Variants in ADGRL3 observed in about 807,000 individuals in gnomAD.
ADGRL3 encodes the protein adhesion G protein-coupled receptor L3.
ADGRL3 carries 62 observed loss-of-function variants against 153.5 expected under a neutral mutation model. That is an observed-to-expected ratio of 0.40 (90% confidence interval 0.33 to 0.50). The LOEUF (loss-of-function observed/expected upper bound fraction) is 0.50. Among genes scored for constraint, ADGRL3 ranks in the 20% least tolerant of loss-of-function variants. The pLI is 0.47. For missense variants in ADGRL3, 1,641 were observed against 1,859.4 expected, an observed-to-expected ratio of 0.88 and a Z score of 2.16; for synonymous variants, 710 against 672.5, an observed-to-expected ratio of 1.06 and a Z score of -0.86.
At chr4:61,362,658 T>C (rs2096306087) in intron 1 of ADGRL3, among the ~76,000 whole-genome samples, 1 of 152,102 alleles carries the variant, frequency 6.6e-6, no homozygotes, top group African/African-American at 2.4e-5. Flanking sequence ...TGGAAGTGGA[T>C]CATCATAAAG....
chr4:61,573,291 C>T (rs185749450), intron 4 of ADGRL3, among the ~76,000 whole-genome samples: 25 of 151,792 alleles, frequency 1.6e-4, no homozygotes, highest in African/African-American at 4.8e-4. Flanking sequence ...ATTATGAAGT[C>T]GCCAAATTGA....
intron 12 of ADGRL3, among the ~76,000 whole-genome samples, chr4:61,911,850 T>A (rs1306672326): frequency 1.3e-5 from 2 of 151,694 alleles, no homozygotes; most frequent in African/African-American, 2.4e-5. Flanking sequence ...AAAAAAAAAA[T>A]TGGAAAGAAG....
chr4:61,889,938 C>G (rs985115669), intron 9 of ADGRL3, among the ~76,000 whole-genome samples: 3 of 152,118 alleles, frequency 2.0e-5, no homozygotes, highest in Admixed American at 2.0e-4. Context: ...AGAAAGGTAC[C>G]TTCATTTAGA....
rs1313894267 is a variant in ADGRL3, at chr4:61,998,036, G to A, written c.3304-138G>A. On this transcript the variant is annotated intron_variant, in intron 20 of 26. Coordinates refer to ENST00000683033, the MANE Select transcript of ADGRL3 (RefSeq NM_001387552.1). ...CTTATTGCCTTTACTAAAACACTAG[G>A]CAGTCATCTACGATCCAATTCCTTT... 5.9e-4 allele frequency: 259 copies of A among 438,036 alleles called. 2 individuals are homozygous for A. Among genetic ancestry groups the A allele is most frequent in the Non-Finnish European group, 7.7e-5 (19 of 246,488 alleles). 27.1% of individuals were successfully genotyped at this position (438,036 alleles called of 1,614,324 possible). A position where few individuals can be genotyped will look rare whatever the true frequency, so the allele number is the denominator to read the frequency against.
intron 6 of ADGRL3, among the ~76,000 whole-genome samples, chr4:61,713,532 C>CA (rs1374771803): frequency 5.3e-5 from 8 of 151,712 alleles, no homozygotes; most frequent in African/African-American, 1.9e-4. Flanking sequence ...TGTGAGGGCT[C>CA]ACTTTTGTAT....
intron 8 of ADGRL3, among the ~76,000 whole-genome samples, chr4:61,794,366 G>C (rs923583565): frequency 1.3e-5 from 2 of 152,116 alleles, no homozygotes; most frequent in Non-Finnish European, 2.9e-5. Flanking sequence ...TTTTTTCACT[G>C]TAGTAGCTTA....
At chr4:61,907,215 A>C (rs1285156893) in intron 11 of ADGRL3, among the ~76,000 whole-genome samples, 2 of 152,106 alleles carry the variant, frequency 1.3e-5, no homozygotes, top group Non-Finnish European at 2.9e-5. Context: ...GGAGGAATGC[A>C]TCCACCCTAG....
Position 61,310,545 on chromosome 4 carries a change from G to A in ADGRL3, c.-239-72579G>A, listed in dbSNP as rs528162150. On this transcript the variant is annotated intron_variant, in intron 1 of 26. Coordinates refer to ENST00000683033, the MANE Select transcript of ADGRL3 (RefSeq NM_001387552.1). ...ACAATTATATCCTATGCTTTGGTGCGTTCAAAGAGAATATTTTGGAAGAAT... is the reference window on the plus strand; with the variant it reads ...ACAATTATATCCTATGCTTTGGTGCATTCAAAGAGAATATTTTGGAAGAAT... Among the ~76,000 whole-genome samples, 98 of 152,150 alleles carry A rather than the reference G, an allele frequency of 6.4e-4. 1 individual carries two copies. Among genetic ancestry groups the A allele is most frequent in the Non-Finnish European group, 1.1e-3 (76 of 67,996 alleles).
intron 5 of ADGRL3, among the ~76,000 whole-genome samples, chr4:61,646,509 G>A (rs2093992024): frequency 6.6e-6 from 1 of 151,506 alleles, no homozygotes; most frequent in African/African-American, 2.4e-5. Flanking sequence ...AGGACCCTCA[G>A]CTGCAGGTCT....
At chr4:61,559,392 C>T (rs1362920348) in intron 4 of ADGRL3, among the ~76,000 whole-genome samples, 1 of 151,922 alleles carries the variant, frequency 6.6e-6, no homozygotes, top group Non-Finnish European at 1.5e-5. Context: ...CATTCCTTTG[C>T]CAGTCTAAGC....
At chr4:61,252,259 G>T (rs1313865245) in intron 1 of ADGRL3, among the ~76,000 whole-genome samples, 2 of 151,982 alleles carry the variant, frequency 1.3e-5, no homozygotes, top group East Asian at 3.9e-4. Context: ...TTCATTGTGT[G>T]TACATTAAAT....
chr4:61,424,856 A>G (rs2097257431), intron 2 of ADGRL3, among the ~76,000 whole-genome samples: 1 of 152,158 alleles, frequency 6.6e-6, no homozygotes, highest in African/African-American at 2.4e-5. Context: ...GCTAAGGGGT[A>G]GAGCCACCAA....
chr4:61,367,307 T>C (rs2096417669), intron 1 of ADGRL3, among the ~76,000 whole-genome samples: 2 of 151,922 alleles, frequency 1.3e-5, no homozygotes, highest in Non-Finnish European at 1.5e-5. Flanking sequence ...TATATAAGTA[T>C]ACATGTGCCA....
intron 5 of ADGRL3, among the ~76,000 whole-genome samples, chr4:61,626,735 G>T (rs1399960816): frequency 6.6e-6 from 1 of 151,988 alleles, no homozygotes; most frequent in Non-Finnish European, 1.5e-5. Context: ...ATTTATCAGT[G>T]AAATTATCTT....
chr4:61,698,785 T>C (rs1189009316), intron 6 of ADGRL3, among the ~76,000 whole-genome samples: 1 of 152,192 alleles, frequency 6.6e-6, no homozygotes, highest in African/African-American at 2.4e-5. Context: ...ACTGAGATAA[T>C]TGCATATTAC....
rs866863858 is a variant in ADGRL3, at chr4:61,456,751, G to A, written c.-173-40370G>A. Among the ~76,000 whole-genome samples the A allele has an allele frequency of 2.0e-5, 3 of 151,618 alleles. No homozygotes were observed. In the South Asian group the frequency reaches 6.2e-4, roughly 32 times the overall value. On this transcript the variant is annotated intron_variant, in intron 2 of 26. Coordinates refer to ENST00000683033, the MANE Select transcript of ADGRL3 (RefSeq NM_001387552.1). The stretch of plus-strand genomic sequence containing the variant: ...GAGGTGGGTCTTGAAATATGCGTAA[G>A]AAGTCATAATGAGAAAATGGAAAAC...
intron 1 of ADGRL3, among the ~76,000 whole-genome samples, chr4:61,213,838 G>A (rs1741328913): frequency 6.6e-6 from 1 of 152,080 alleles, no homozygotes; most frequent in Admixed American, 6.5e-5. Context: ...AGTGCTGAAA[G>A]CTTGGCCTGT....
At chr4:61,918,293 G>T (rs2098753593) in intron 13 of ADGRL3, among the ~76,000 whole-genome samples, 1 of 152,220 alleles carries the variant, frequency 6.6e-6, no homozygotes, top group Non-Finnish European at 1.5e-5. Context: ...ACCAATTTGG[G>T]AGGGGCAGAA....
At chr4:61,376,675 C>G (rs949694852) in intron 1 of ADGRL3, among the ~76,000 whole-genome samples, 3 of 152,150 alleles carry the variant, frequency 2.0e-5, no homozygotes, top group Non-Finnish European at 4.4e-5. Context: ...GTGTATTTTA[C>G]CATCTTTTCT....
Sources: gnomAD v4.1 joint callset for allele counts (sites outside exome capture counted in the v4.1 genomes callset) on GRCh38, gnomAD v4.1.1 for gene constraint, MANE v1.5 for transcripts, NCBI Gene and HGNC (gene_info 2026-07-23, HGNC 2026-07-21) for gene names.